DMC1: variants seen among roughly 807,000 people sequenced by gnomAD.
DMC1 encodes the protein meiotic recombination protein DMC1 homolog.
Under a neutral mutation model 50.1 loss-of-function variants are expected in DMC1, and 27 were observed. That is an observed-to-expected ratio of 0.54 (90% CI 0.40 to 0.74). The LOEUF (loss-of-function observed/expected upper bound fraction) is 0.74, where lower values mean the gene tolerates loss of function less well. Ranked by LOEUF, DMC1 falls within the 30% of genes least tolerant of loss-of-function variation. The pLI is 0.00. For missense variants in DMC1, 295 were observed against 420.2 expected (o/e 0.70, Z 2.60); for synonymous variants, 148 against 136.1 (o/e 1.09, Z -0.61).
At chr22:38,543,773 AC>A (rs773430056) in intron 8 of DMC1, among the ~76,000 whole-genome samples, 11 of 151,856 alleles carry the variant, frequency 7.2e-5, no homozygotes, top group Non-Finnish European at 1.2e-4. Flanking sequence ...GTCCTAAGTC[AC>A]CCCTGGTCAC....
intron 12 of DMC1, among the ~76,000 whole-genome samples, chr22:38,526,085 CAGG>C (rs1010955882): frequency 3.9e-5 from 6 of 152,066 alleles, no homozygotes; most frequent in Admixed American, 3.3e-4. Flanking sequence ...GCCTTAACTC[CAGG>C]AGACTATCAA....
At chr22:38,569,434 G>C (rs922709063) in intron 1 of DMC1, 4 of 152,052 alleles carry the variant, frequency 2.6e-5, no homozygotes, top group Non-Finnish European at 5.9e-5. Flanking sequence ...GCAGGAGCAG[G>C]GTCCTACCAC....
chr22:38,522,080 TA>T (rs917061252), intron 12 of DMC1, among the ~76,000 whole-genome samples: 3 of 151,796 alleles, frequency 2.0e-5, no homozygotes, highest in Admixed American at 2.0e-4. Flanking sequence ...GCCTCCCAGG[TA>T]GCTGGGATTA....
intron 8 of DMC1, among the ~76,000 whole-genome samples, chr22:38,544,537 C>A (rs1375106810): frequency 1.8e-4 from 28 of 152,176 alleles, no homozygotes; most frequent in African/African-American, 2.4e-5. Context: ...ATGTGTAGAA[C>A]CAAGCTGTGC....
At position 38,559,746 on chromosome 22, in the gene DMC1, G is replaced by A. The variant is rs561048930; in HGVS notation, c.326+2541C>T. 9.6e-4 allele frequency among the ~76,000 whole-genome samples: 146 copies of A among 152,102 alleles called. 1 individual carries two copies. The highest frequency in any genetic ancestry group is 4.6e-3 in the East Asian group (24 of 5,170). ...GATAATAAACACAAATAGGCCAGGC[G>A]CCGGTAGCTCACACCTGTAATCCCA... On this transcript the variant is annotated intron_variant, in intron 5 of 13. Coordinates refer to ENST00000216024, the MANE Select transcript of DMC1 (RefSeq NM_007068.4).
the DMC1 span, among the ~76,000 whole-genome samples, chr22:38,513,083 C>CAAA: frequency 8.7e-6 from 1 of 114,296 alleles, no homozygotes; most frequent in Non-Finnish European, 1.9e-5. Context: ...GAGTCTGTCT[C>CAAA]AAAAAAAAAA....
chr22:38,518,714 T>G (rs893956891), downstream of DMC1, among the ~76,000 whole-genome samples: 2 of 151,998 alleles, frequency 1.3e-5, no homozygotes, highest in African/African-American at 2.4e-5. Flanking sequence ...TGTATTTTTG[T>G]AGAGACGGGG....
At chr22:38,520,515 G>T (rs568367590) in intron 13 of DMC1, among the ~76,000 whole-genome samples, 5 of 152,042 alleles carry the variant, frequency 3.3e-5, no homozygotes, top group African/African-American at 1.2e-4. Context: ...CTGCCACCAC[G>T]CCCGGCTAAT....
chr22:38,538,693 G>T, intron 9 of DMC1, 81 bp from the exon 10 acceptor site: 1 of 1,232,620 alleles, frequency 8.1e-7, no homozygotes, highest in Non-Finnish European at 1.2e-6. Context: ...TGGGAGCCAG[G>T]CAAAATAAAT....
chr22:38,512,403 C>T, the DMC1 span, among the ~76,000 whole-genome samples: 15 of 152,144 alleles, frequency 9.9e-5, no homozygotes, highest in Non-Finnish European at 5.9e-5. Context: ...TAGAGGCCTG[C>T]GGGCCTGATG....
At chr22:38,528,339 C>G (rs769129565) in intron 12 of DMC1, among the ~76,000 whole-genome samples, 36 of 151,842 alleles carry the variant, frequency 2.4e-4, no homozygotes, top group Admixed American at 5.3e-4. Context: ...GTTGGGATTA[C>G]AGGTGTGAGC....
chr22:38,567,356 T>C (rs1252342110), intron 3 of DMC1, among the ~76,000 whole-genome samples: 2 of 152,244 alleles, frequency 1.3e-5, no homozygotes, highest in Non-Finnish European at 1.5e-5. Context: ...AACTTAATTT[T>C]GTCCTCTGGA....
At chr22:38,562,216 C>A (rs2090534756) in intron 5 of DMC1, 71 bp downstream of exon 5, 1 of 1,037,862 alleles carries the variant, frequency 9.6e-7, no homozygotes, top group Non-Finnish European at 1.5e-6. Context: ...GTAGAAGTAA[C>A]CAGAAAGAGG....
intron 5 of DMC1, among the ~76,000 whole-genome samples, 197 bp downstream of exon 5, chr22:38,562,090 T>C (rs2090533096): frequency 6.6e-6 from 1 of 152,144 alleles, no homozygotes; most frequent in Admixed American, 6.5e-5. Context: ...CTGAATTTCT[T>C]GTAAGACATT....
chr22:38,538,508 C>T (rs1391554911), intron 10 of DMC1, 31 bp downstream of exon 10: 3 of 1,608,982 alleles, frequency 1.9e-6, no homozygotes, highest in Non-Finnish European at 2.6e-6. Context: ...TGCTAAATAG[C>T]TCTGTGAAAG....
At chr22:38,514,945 C>CTTTT (rs1225224373), downstream of DMC1, among the ~76,000 whole-genome samples, 3 of 121,974 alleles carry the variant, frequency 2.5e-5, no homozygotes, top group Non-Finnish European at 3.4e-5. Flanking sequence ...TTTTTTTATT[C>CTTTT]TTTTTTTTTT....
rs2089998362 is a variant in DMC1 at position 38,519,266 on chromosome 22, T to C, written c.*754A>G. ...TAGTAGAGATGGGGTTTCTCCATGT[T>C]GGCCAGGCTGGTCTTGAACTCCTGA... On this transcript the variant is annotated 3_prime_UTR_variant, in exon 14 of 14. Transcript: ENST00000216024. 6.6e-6 allele frequency: 1 copy of C among 152,028 alleles called. No homozygotes were observed. Among genetic ancestry groups the C allele is most frequent in the African/African-American group, 2.4e-5 (1 of 41,382 alleles). 9.4% of individuals were successfully genotyped at this position (152,028 alleles called of 1,614,324 possible).
chr22:38,537,293 A>C (rs2090224907), intron 12 of DMC1, among the ~76,000 whole-genome samples: 5 of 151,792 alleles, frequency 3.3e-5, no homozygotes. Flanking sequence ...GGCTTACTAC[A>C]ACCTCCACCT....
chr22:38,534,724 G>T (rs1345565205), intron 12 of DMC1, among the ~76,000 whole-genome samples: 1 of 151,216 alleles, frequency 6.6e-6, no homozygotes, highest in Non-Finnish European at 1.5e-5. Flanking sequence ...AAACACGACT[G>T]AGTGCGGTGG....
Sources: gnomAD v4.1 joint callset for allele counts (sites outside exome capture counted in the v4.1 genomes callset) on GRCh38, gnomAD v4.1.1 for gene constraint, MANE v1.5 for transcripts, NCBI Gene and HGNC (gene_info 2026-07-23, HGNC 2026-07-21) for gene names.